The following ACVR1C variants were observed in gnomAD, a reference collection of about 807,000 sequenced individuals.
The protein encoded by ACVR1C is activin A receptor type 1C.
Under a neutral mutation model 57.9 loss-of-function variants are expected in ACVR1C, and 23 were observed. The ratio of observed to expected loss-of-function variants is 0.40; its 90% CI spans 0.29 to 0.56. The LOEUF (loss-of-function observed/expected upper bound fraction) is 0.56. Among genes scored for constraint, ACVR1C ranks in the 20% least tolerant of loss-of-function variants. The pLI, the probability that ACVR1C is intolerant of heterozygous loss-of-function variation, is 0.50. For missense variants in ACVR1C, 480 were observed against 607.9 expected (o/e 0.79, Z 2.21); for synonymous variants, 214 against 215.3 (o/e 0.99, Z 0.05).
Position 157,556,306 on chromosome 2 carries a change from G to A in ACVR1C, c.331C>T (p.Pro111Ser). 6.2e-7 allele frequency: 1 copy of A among 1,614,100 alleles called. No homozygotes were observed. The highest frequency in any genetic ancestry group is 8.5e-7 in the Non-Finnish European group (1 of 1,179,994). ...GTAATAATGATGGCCAGCTCCATGG[G>A]TCCAAGTTTTGGGGCATTTGGTGAT... ...TASPNAPKLG[P>S]MELAIIITVP... The change falls in exon 3 of 9, where the codon CCC becomes TCC. Residue 111 changes from proline to serine, a missense_variant. Physicochemically the swap from Pro to Ser is moderately conservative, Grantham distance 74. Coordinates refer to ENST00000243349, the MANE Select transcript of ACVR1C (RefSeq NM_145259.3).
chr2:157,563,872 T>C (rs909325816), intron 2 of ACVR1C, among the ~76,000 whole-genome samples: 2 of 152,176 alleles, frequency 1.3e-5, no homozygotes, highest in African/African-American at 4.8e-5. Context: ...GGGGAAAAGA[T>C]TCCCTATTTA....
At chr2:157,602,057 C>T (rs899955593) in intron 1 of ACVR1C, among the ~76,000 whole-genome samples, 1 of 152,094 alleles carries the variant, frequency 6.6e-6, no homozygotes, top group Non-Finnish European at 1.5e-5. Flanking sequence ...TTAACGTTTC[C>T]CTTGGTAGTG....
intron 1 of ACVR1C, among the ~76,000 whole-genome samples, chr2:157,609,852 C>A (rs1414713037): frequency 6.6e-6 from 1 of 151,812 alleles, no homozygotes; most frequent in Non-Finnish European, 1.5e-5. Context: ...TGGGTCTTTA[C>A]TGGTAAACTG....
At position 157,542,740 on chromosome 2, in the gene ACVR1C, C is replaced by T. The variant is rs754724051; in HGVS notation, c.1066G>A (p.Asp356Asn). The change falls in exon 6 of 9, where the codon GAC (aspartate) becomes AAC (asparagine). Residue 356 changes from aspartate to asparagine, a missense_variant. Transcript: ENST00000243349. ...VKHDSILNTI[D>N]IPQNPKVGTK... ...CCCACTTTAGGATTCTGAGGTATGT[C>T]GATAGTGTTCAGTATTGAATCATGC... 10 of 1,613,594 alleles carry T rather than the reference C, an allele frequency of 6.2e-6. No individual in the cohort carries two copies. The highest frequency in any genetic ancestry group is 1.1e-5 in the South Asian group (1 of 91,016).
intron 4 of ACVR1C, among the ~76,000 whole-genome samples, chr2:157,546,799 CTTATT>C (rs944249177): frequency 5.9e-5 from 9 of 151,858 alleles, no homozygotes; most frequent in Non-Finnish European, 8.8e-5. Flanking sequence ...TTTATGAGTA[CTTATT>C]TTATTTTATT....
At chr2:157,573,915 A>G (rs1688585114) in intron 2 of ACVR1C, among the ~76,000 whole-genome samples, 1 of 152,238 alleles carries the variant, frequency 6.6e-6, no homozygotes, top group Non-Finnish European at 1.5e-5. Context: ...AAACAGAACA[A>G]TTCAACTATG....
intron 1 of ACVR1C, among the ~76,000 whole-genome samples, chr2:157,592,200 C>A (rs889636678): frequency 6.6e-6 from 1 of 151,984 alleles, no homozygotes; most frequent in South Asian, 2.1e-4. Context: ...ACAATCTCAC[C>A]TTACAGCTTT....
chr2:157,585,565 T>C (rs1303480971), intron 2 of ACVR1C, among the ~76,000 whole-genome samples: 1 of 152,118 alleles, frequency 6.6e-6, no homozygotes, highest in East Asian at 1.9e-4. Flanking sequence ...AATGTAGTCT[T>C]GAGGATCATT....
chr2:157,594,475 C>T (rs1172133007), intron 1 of ACVR1C, among the ~76,000 whole-genome samples: 2 of 146,862 alleles, frequency 1.4e-5, no homozygotes, highest in Non-Finnish European at 3.0e-5. Context: ...TCACACCCTG[C>T]TATTTCAGTG....
chr2:157,535,619 C>T (rs2105200267), intron 8 of ACVR1C, among the ~76,000 whole-genome samples: 1 of 152,064 alleles, frequency 6.6e-6, no homozygotes, highest in African/African-American at 2.4e-5. Flanking sequence ...CCTGAAGTCA[C>T]AAGTTTGAGA....
intron 1 of ACVR1C, among the ~76,000 whole-genome samples, chr2:157,588,236 T>TACACACACAC (rs10572950): frequency 6.8e-6 from 1 of 147,774 alleles, no homozygotes; most frequent in East Asian, 2.0e-4. Context: ...CTCCACTTAC[T>TACACACACAC]ACACACACAC....
At chr2:157,542,598 G>A (rs1687648193) in intron 6 of ACVR1C, 108 bp downstream of exon 6, 2 of 1,276,544 alleles carry the variant, frequency 1.6e-6, no homozygotes, top group Admixed American at 2.5e-5. Flanking sequence ...GATTTCTTGG[G>A]CCCAGTGGTT....
chr2:157,577,451 C>G (rs1339974604), intron 2 of ACVR1C, among the ~76,000 whole-genome samples: 4 of 151,874 alleles, frequency 2.6e-5, no homozygotes, highest in Non-Finnish European at 5.9e-5. Flanking sequence ...TAAGTACATA[C>G]AAATTTAGAT....
At chr2:157,566,831 G>A (rs866389652) in intron 2 of ACVR1C, among the ~76,000 whole-genome samples, 129 of 152,252 alleles carry the variant, frequency 8.5e-4, no homozygotes, top group African/African-American at 1.7e-3. Flanking sequence ...CAAAGCAGCC[G>A]GGAAGGGAAG....
intron 2 of ACVR1C, among the ~76,000 whole-genome samples, chr2:157,566,690 C>T (rs1025269273): frequency 1.3e-5 from 2 of 151,736 alleles, no homozygotes. Flanking sequence ...CTATATCCCA[C>T]ACCTGGCTCA....
At chr2:157,628,525 CCCA>C in intron 1 of ACVR1C, 44 bp downstream of exon 1, 2 of 1,585,040 alleles carry the variant, frequency 1.3e-6, no homozygotes, top group Non-Finnish European at 1.7e-6. Context: ...CAGACCTCCT[CCCA>C]GCTCCCACCC....
intron 2 of ACVR1C, among the ~76,000 whole-genome samples, chr2:157,562,475 A>C (rs1367631239): frequency 2.2e-5 from 3 of 136,030 alleles, no homozygotes; most frequent in African/African-American, 8.2e-5. Context: ...AAAATAAAAT[A>C]AAATAAAATA....
At chr2:157,597,256 T>C (rs1682149391) in intron 1 of ACVR1C, 2 of 800,410 alleles carry the variant, frequency 2.5e-6, no homozygotes, top group Middle Eastern at 1.2e-3. Flanking sequence ...ACGGGTTTGG[T>C]AACACTCACT....
In ACVR1C at chr2:157,628,698, C is replaced by G; in HGVS notation, c.-54G>C. 6.9e-7 allele frequency: 1 copy of G among 1,449,006 alleles called. No homozygotes were observed. The highest frequency in any genetic ancestry group is 9.1e-7 in the Non-Finnish European group (1 of 1,095,498). The allele number at this position is 1,449,006 out of a possible 1,614,324, so 89.8% of individuals were successfully genotyped here. A position where few individuals can be genotyped will look rare whatever the true frequency, so the allele number is the denominator to read the frequency against. On this transcript the variant is annotated 5_prime_UTR_variant, in exon 1 of 9. Coordinates refer to ENST00000243349, the MANE Select transcript of ACVR1C (RefSeq NM_145259.3). The stretch of plus-strand genomic sequence containing the variant: ...GAGGCCCCAGAGCAGAGCGAGGCAG[C>G]CGGGGCAGCACGGCCCGCTTTGAAG...
Sources: gnomAD v4.1 joint callset for allele counts (sites outside exome capture counted in the v4.1 genomes callset) on GRCh38, gnomAD v4.1.1 for gene constraint, MANE v1.5 for transcripts, NCBI Gene and HGNC (gene_info 2026-07-23, HGNC 2026-07-21) for gene names.